Variants in LRP1B observed in about 807,000 individuals in gnomAD.
LRP1B encodes LDL receptor related protein 1B, also known as low-density lipoprotein receptor-related protein 1B.
In LRP1B, 217 loss-of-function variants were observed where a neutral mutation model predicts 556.6. That is an observed-to-expected ratio of 0.39 (90% CI 0.35 to 0.44). The LOEUF is 0.44. LRP1B is among the 20% of genes least tolerant of loss of function. LRP1B has a pLI of 1.00. For missense variants in LRP1B, 5,053 were observed against 5,620.8 expected, an observed-to-expected ratio of 0.90 and a Z score of 3.23; for synonymous variants, 2,047 against 1,865.8, an observed-to-expected ratio of 1.10 and a Z score of -2.50.
At chr2:141,859,899 C>T (rs1698183726) in intron 1 of LRP1B, among the ~76,000 whole-genome samples, 1 of 152,150 alleles carries the variant, frequency 6.6e-6, no homozygotes, top group African/African-American at 2.4e-5. Context: ...TGCACTATTT[C>T]ATCACCCTTT....
intron 22 of LRP1B, among the ~76,000 whole-genome samples, chr2:140,906,996 T>A (rs1474850956): frequency 2.6e-5 from 4 of 151,476 alleles, no homozygotes; most frequent in Non-Finnish European, 5.9e-5. Context: ...ACTTCCTTTT[T>A]TATATCATTC....
intron 20 of LRP1B, among the ~76,000 whole-genome samples, chr2:140,945,632 G>A (rs115441363): frequency 0.024 from 3,658 of 152,212 alleles, 166 homozygotes; most frequent in African/African-American, 0.081. Flanking sequence ...TCAATAAATG[G>A]CGTTGGGAGC....
chr2:140,710,129 C>T (rs1686982540), intron 37 of LRP1B, among the ~76,000 whole-genome samples: 1 of 152,002 alleles, frequency 6.6e-6, no homozygotes. Context: ...ACATACAATT[C>T]TCATTTTGAG....
intron 43 of LRP1B, among the ~76,000 whole-genome samples, chr2:140,558,942 G>GA (rs371518136): frequency 0.015 from 1,611 of 110,346 alleles, 18 homozygotes; most frequent in African/African-American, 0.034. Context: ...TCTCCAAAAG[G>GA]AAAAAAAAAA....
intron 41 of LRP1B, among the ~76,000 whole-genome samples, chr2:140,652,626 T>C (rs997977071): frequency 6.6e-6 from 1 of 152,024 alleles, no homozygotes; most frequent in African/African-American, 2.4e-5. Flanking sequence ...AATTTCTGAG[T>C]TTTGAGCGAC....
chr2:140,402,227 G>C (rs990302664), intron 66 of LRP1B, among the ~76,000 whole-genome samples: 1 of 152,148 alleles, frequency 6.6e-6, no homozygotes, highest in South Asian at 2.1e-4. Flanking sequence ...GCAGGCCTTG[G>C]GTTCCATATC....
rs190346314 is a variant in LRP1B, at chr2:140,964,593, T to G, written c.2888-12653A>C. ...GAAGGCTCGCACTCTTGTCTTCTGG[T>G]CACTTCTATGTCCCCTCAGCTCCTA... On this transcript the variant is annotated intron_variant, in intron 18 of 90. Coordinates refer to ENST00000389484, the MANE Select transcript of LRP1B (RefSeq NM_018557.3). Among the ~76,000 whole-genome samples the G allele has an allele frequency of 4.9e-3, 630 of 128,972 alleles. 10 individuals carry two copies. The highest frequency in any genetic ancestry group is 0.017 in the African/African-American group (590 of 34,242). The allele number at this position is 128,972 out of a possible 152,430, so 84.6% of individuals were successfully genotyped here.
chr2:141,462,843 TA>T (rs1317509409), intron 3 of LRP1B, among the ~76,000 whole-genome samples: 1 of 152,028 alleles, frequency 6.6e-6, no homozygotes, highest in Non-Finnish European at 1.5e-5. Context: ...AATAAGTAAA[TA>T]AGTAATAAAA....
intron 7 of LRP1B, among the ~76,000 whole-genome samples, chr2:141,085,627 A>G (rs1700032276): frequency 6.6e-6 from 1 of 152,196 alleles, no homozygotes; most frequent in South Asian, 2.1e-4. Flanking sequence ...CAGAACCGTG[A>G]CAAAACGAAT....
chr2:140,906,393 G>T (rs1018241794), intron 22 of LRP1B, among the ~76,000 whole-genome samples: 4 of 152,012 alleles, frequency 2.6e-5, no homozygotes, highest in Non-Finnish European at 5.9e-5. Flanking sequence ...AAATGAGGTT[G>T]TTTTTTCTTA....
chr2:141,401,279 A>G (rs1321754184), intron 3 of LRP1B, among the ~76,000 whole-genome samples: 1 of 152,234 alleles, frequency 6.6e-6, no homozygotes, highest in Admixed American at 6.5e-5. Context: ...ACACAAAAGA[A>G]AAACTATCAC....
At position 142,115,514 on chromosome 2, in the gene LRP1B, T is replaced by TG. The variant is rs1415243635; in HGVS notation, c.82+15133_82+15134insC. Among the ~76,000 whole-genome samples, 18 of 86,614 alleles carry TG rather than the reference T, an allele frequency of 2.1e-4. 4 individuals are homozygous for TG. Among genetic ancestry groups the TG allele is most frequent in the East Asian group, 8.6e-4 (3 of 3,508 alleles). 56.8% of individuals were successfully genotyped at this position (86,614 alleles called of 152,430 possible). ...AATTATATATAATATATATTATATA[T>TG]TACATATATAATATATATATTACAT... On this transcript the variant is annotated intron_variant, in intron 1 of 90. Coordinates refer to ENST00000389484, the MANE Select transcript of LRP1B (RefSeq NM_018557.3).
intron 2 of LRP1B, among the ~76,000 whole-genome samples, chr2:141,740,096 G>C (rs1693640897): frequency 6.6e-6 from 1 of 152,048 alleles, no homozygotes; most frequent in South Asian, 2.1e-4. Context: ...AACCATCATT[G>C]TTTCATTAAG....
chr2:142,065,006 A>G (rs1039832125), intron 1 of LRP1B, among the ~76,000 whole-genome samples: 1 of 151,194 alleles, frequency 6.6e-6, no homozygotes, highest in Non-Finnish European at 1.5e-5. Context: ...ACAAAATAAT[A>G]ATTCATGTCA....
intron 68 of LRP1B, among the ~76,000 whole-genome samples, chr2:140,375,564 G>C (rs1271554094): frequency 3.3e-5 from 5 of 152,056 alleles, no homozygotes; most frequent in Non-Finnish European, 5.9e-5. Flanking sequence ...GATTTAATAA[G>C]AGAGGATTTT....
In LRP1B at chr2:141,896,189, A is replaced by G. The variant is rs375238614; in HGVS notation, c.83-85788T>C. Reference sequence around the variant, plus strand: ...ACAGTTTTTCTCAAATGTGAATAATATATAGAAAGTCTCAAAGAAAAGCAA... The same window carrying G: ...ACAGTTTTTCTCAAATGTGAATAATGTATAGAAAGTCTCAAAGAAAAGCAA... On this transcript the variant is annotated intron_variant, in intron 1 of 90. Transcript: ENST00000389484. 3.9e-5 allele frequency among the ~76,000 whole-genome samples: 6 copies of G among 152,318 alleles called. No individual in the cohort carries two copies. The East Asian group carries it at 7.7e-4, about 20-fold the overall frequency.
At chr2:141,360,637 G>T (rs917941547) in intron 3 of LRP1B, among the ~76,000 whole-genome samples, 1 of 152,136 alleles carries the variant, frequency 6.6e-6, no homozygotes. Context: ...AGAGTGTTTT[G>T]CCAGTATATC....
chr2:141,286,603 G>A (rs1685730636), intron 3 of LRP1B, among the ~76,000 whole-genome samples: 1 of 151,942 alleles, frequency 6.6e-6, no homozygotes, highest in Non-Finnish European at 1.5e-5. Flanking sequence ...TTTTCTTTTT[G>A]GGAAGATCTG....
chr2:140,607,932 T>G (rs2105216884), intron 41 of LRP1B, among the ~76,000 whole-genome samples: 2 of 152,122 alleles, frequency 1.3e-5, no homozygotes, highest in Admixed American at 1.3e-4. Context: ...TGAATTAGAC[T>G]ACCACTAATA....
Sources: gnomAD v4.1 joint callset for allele counts (sites outside exome capture counted in the v4.1 genomes callset) on GRCh38, gnomAD v4.1.1 for gene constraint, MANE v1.5 for transcripts, NCBI Gene and HGNC (gene_info 2026-07-23, HGNC 2026-07-21) for gene names.